FUT2: variants seen among roughly 807,000 people sequenced by gnomAD.
FUT2 encodes galactoside alpha-(1,2)-fucosyltransferase 2.
For missense variants in FUT2, 419 were observed against 465.8 expected, an observed-to-expected ratio of 0.90 and a Z score of 0.93; for synonymous variants, 182 against 193.1, an observed-to-expected ratio of 0.94 and a Z score of 0.48.
At position 48,703,159 on chromosome 19, in the gene FUT2, C is replaced by T. The variant is rs759340211; in HGVS notation, c.203C>T (p.Ala68Val). 26 of 1,613,372 alleles carry T rather than the reference C, an allele frequency of 1.6e-5. No individual in the cohort carries two copies. Among genetic ancestry groups the T allele is most frequent in the Non-Finnish European group, 2.1e-5 (25 of 1,180,046 alleles). ...CTCAGGGGGATGTGGACGATCAATG[C>T]AATAGGCCGCCTGGGGAACCAGATG... Reference protein sequence around the residue: ...SQLRGMWTINAIGRLGNQMGE... With the variant: ...SQLRGMWTINVIGRLGNQMGE... Residue 68 changes from alanine (A) to valine (V), a missense_variant, in exon 2 of 2, where the codon GCA (alanine) becomes GTA (valine). By Grantham distance (64) the Ala-to-Val change is moderately conservative (BLOSUM62 0). Transcript: ENST00000425340.
chr19:48,699,906 C>T (rs1044457624), intron 1 of FUT2, among the ~76,000 whole-genome samples: 2 of 151,870 alleles, frequency 1.3e-5, no homozygotes, highest in African/African-American at 4.8e-5. Flanking sequence ...GTAATCCCAG[C>T]ACTTTGGGAG....
Position 48,704,924 on chromosome 19 carries a change from A to T in FUT2, c.*936A>T. ...TTAGGGTGGTGTTACCAAGGTGAAA[A>T]GGGGAAATGGCTTTAGAGTAGACAA... On this transcript the variant is annotated 3_prime_UTR_variant, in exon 2 of 2. Coordinates refer to ENST00000425340, the MANE Select transcript of FUT2 (RefSeq NM_000511.6). The T allele has an allele frequency of 2.4e-6, 1 of 412,078 alleles. No homozygotes were observed. The highest frequency in any genetic ancestry group is 4.4e-5 in the Admixed American group (1 of 22,606). The allele number at this position is 412,078 out of a possible 1,614,324, so 25.5% of individuals were successfully genotyped here.
At chr19:48,700,567 A>G (rs1017336977) in intron 1 of FUT2, among the ~76,000 whole-genome samples, 11 of 151,834 alleles carry the variant, frequency 7.2e-5, no homozygotes, top group East Asian at 5.9e-4. Context: ...TCCTGACCTC[A>G]TGATCCGCCC....
At chr19:48,699,000 CCCTTCCTTCCTT>C (rs79130887) in intron 1 of FUT2, among the ~76,000 whole-genome samples, 2 of 146,434 alleles carry the variant, frequency 1.4e-5, no homozygotes, top group African/African-American at 2.5e-5. Flanking sequence ...CTCCCTCCCT[CCCTTCCTTCCTT>C]CCTTCCTTCC....
At chr19:48,702,463 A>T (rs2032532677) in intron 1 of FUT2, among the ~76,000 whole-genome samples, 1 of 151,970 alleles carries the variant, frequency 6.6e-6, no homozygotes, top group South Asian at 2.1e-4. Flanking sequence ...AGATACACAA[A>T]GTGTATATAT....
chr19:48,700,553 G>T (rs759005055), intron 1 of FUT2, among the ~76,000 whole-genome samples: 1 of 151,794 alleles, frequency 6.6e-6, no homozygotes, highest in Non-Finnish European at 1.5e-5. Context: ...GGATGGTCTC[G>T]ATCTCCTGAC....
At chr19:48,696,320 G>C (rs1009812428) in intron 1 of FUT2, 1 of 152,240 alleles carries the variant, frequency 6.6e-6, no homozygotes, top group Non-Finnish European at 1.5e-5. Context: ...CTTCCAGGTG[G>C]ATCTGTTTCT....
rs140411756 is a variant in FUT2, at chr19:48,704,421, C to CA, written c.*453dup. On this transcript the variant is annotated 3_prime_UTR_variant, in exon 2 of 2. Transcript: ENST00000425340. ...TGGGTGACACAGCAAGACTCCATCT[C>CA]AAAAAAAAAAAAAAAAAAAAGAAAA... The CA allele has an allele frequency of 0.078, 8,458 of 108,402 alleles. 395 individuals are homozygous for CA. The highest frequency in any genetic ancestry group is 0.19 in the East Asian group (488 of 2,526). The allele number at this position is 108,402 out of a possible 1,614,324, so 6.7% of individuals were successfully genotyped here.
intron 1 of FUT2, among the ~76,000 whole-genome samples, chr19:48,700,997 CAG>C (rs1555754157): frequency 2.0e-5 from 3 of 151,968 alleles, no homozygotes; most frequent in Non-Finnish European, 4.4e-5. Flanking sequence ...GAGTAGACAA[CAG>C]GGATGCCCTG....
At chr19:48,696,424 T>G (rs1351671192) in intron 1 of FUT2, 1 of 152,442 alleles carries the variant, frequency 6.6e-6, no homozygotes, top group African/African-American at 2.4e-5. Context: ...TGAACCACCC[T>G]GGCAGTAATG....
chr19:48,700,074 A>G (rs1387779881), intron 1 of FUT2, among the ~76,000 whole-genome samples: 1 of 145,764 alleles, frequency 6.9e-6, no homozygotes, highest in East Asian at 2.1e-4. Flanking sequence ...AATTGCTTGA[A>G]CCCAGGAGGC....
chr19:48,698,457 G>T (rs1399102973), intron 1 of FUT2, among the ~76,000 whole-genome samples: 1 of 151,756 alleles, frequency 6.6e-6, no homozygotes, highest in Non-Finnish European at 1.5e-5. Context: ...TTAAGATAGA[G>T]CCTGACTCTG....
rs2032614979 is a variant in FUT2, at chr19:48,705,106, CTTTTCTTTTT to C, written c.*1123_*1132del. Reference sequence around the variant, plus strand: ...GAGCTCACTGTTTTCTTTTCTTTTTCTTTTCTTTTTTTTTTTTTTTTTGAGATGGAGTCTT... The same window carrying C: ...GAGCTCACTGTTTTCTTTTCTTTTTCTTTTTTTTTTTTGAGATGGAGTCTT... On this transcript the variant is annotated 3_prime_UTR_variant, in exon 2 of 2. Coordinates refer to ENST00000425340, the MANE Select transcript of FUT2 (RefSeq NM_000511.6). 41 of 188,950 alleles carry C rather than the reference CTTTTCTTTTT, an allele frequency of 2.2e-4. 8 individuals carry two copies. The highest frequency in any genetic ancestry group is 2.1e-4 in the Non-Finnish European group (20 of 93,786). 11.7% of individuals were successfully genotyped at this position (188,950 alleles called of 1,614,324 possible).
intron 1 of FUT2, among the ~76,000 whole-genome samples, chr19:48,700,574 G>C (rs1209904705): frequency 6.6e-6 from 1 of 151,840 alleles, no homozygotes; most frequent in African/African-American, 2.4e-5. Context: ...CTCATGATCC[G>C]CCCGCCTTGG....
chr19:48,703,324 C>T lies in FUT2; in HGVS notation c.368C>T (p.Pro123Leu), dbSNP rs1568462013. ...CACAGCGCCACGGCCAGCAGGATCC[C>T]CTGGCAGAACTACCACCTGAACGAC... ...VLHSATASRI[P>L]WQNYHLNDWM... The change falls in exon 2 of 2, where the codon CCC becomes CTC. Residue 123 changes from proline (P) to leucine (L), a missense_variant. Physicochemically the swap from Pro to Leu is moderately conservative, Grantham distance 98. Coordinates refer to ENST00000425340, the MANE Select transcript of FUT2 (RefSeq NM_000511.6). 1.2e-6 allele frequency: 2 copies of T among 1,612,974 alleles called. No individual in the cohort carries two copies. The highest frequency in any genetic ancestry group is 2.7e-5 in the African/African-American group (2 of 75,046).
chr19:48,704,860 T>G lies in FUT2; in HGVS notation c.*872T>G, dbSNP rs2032607508. ...GCCTCAGATTCTGCAGCTGAGAAGTTGATCAGCCACCTCTGAAGGACATGC... is the reference window on the plus strand; with the variant it reads ...GCCTCAGATTCTGCAGCTGAGAAGTGGATCAGCCACCTCTGAAGGACATGC... On this transcript the variant is annotated 3_prime_UTR_variant, in exon 2 of 2. Coordinates refer to ENST00000425340, the MANE Select transcript of FUT2 (RefSeq NM_000511.6). 4.8e-6 allele frequency: 2 copies of G among 413,154 alleles called. No individual in the cohort carries two copies. The highest frequency in any genetic ancestry group is 8.8e-6 in the Non-Finnish European group (2 of 226,146). The allele number at this position is 413,154 out of a possible 1,614,324, so 25.6% of individuals were successfully genotyped here.
chr19:48,703,476 G>A lies in FUT2; in HGVS notation c.520G>A (p.Val174Met), dbSNP rs752579948. The A allele has an allele frequency of 1.2e-5, 19 of 1,612,840 alleles. No individual in the cohort carries two copies. Among genetic ancestry groups the A allele is most frequent in the South Asian group, 7.7e-5 (7 of 90,648 alleles). ...CCAGGAGTTCACCCTGCACGACCACGTGCGGGAGGAGGCCCAGAAGTTCCT... is the reference window on the plus strand; with the variant it reads ...CCAGGAGTTCACCCTGCACGACCACATGCGGGAGGAGGCCCAGAAGTTCCT... ...ILQEFTLHDH[V>M]REEAQKFLRG... The change falls in exon 2 of 2, where the codon GTG (valine) becomes ATG (methionine). Residue 174 changes from valine to methionine, a missense_variant. By Grantham distance (21) the Val-to-Met change is conservative. Coordinates refer to ENST00000425340, the MANE Select transcript of FUT2 (RefSeq NM_000511.6).
rs1288005965 is a variant in FUT2 at position 48,705,425 on chromosome 19, T to C, written c.*1437T>C. The C allele has an allele frequency of 6.0e-6, 1 of 166,960 alleles. No homozygotes were observed. Among genetic ancestry groups the C allele is most frequent in the Non-Finnish European group, 1.5e-5 (1 of 68,136 alleles). The allele number at this position is 166,960 out of a possible 1,614,324, so 10.3% of individuals were successfully genotyped here. On this transcript the variant is annotated 3_prime_UTR_variant, in exon 2 of 2. Coordinates refer to ENST00000425340, the MANE Select transcript of FUT2 (RefSeq NM_000511.6). ...CGCCCGGCCCTAGAGCTCACTGTTT[T>C]CTAGTTAGTCCATCTGGAAGTGGAG...
intron 1 of FUT2, among the ~76,000 whole-genome samples, chr19:48,699,779 CTT>C (rs2032477186): frequency 6.6e-6 from 1 of 152,010 alleles, no homozygotes. Context: ...GGTGATGTGT[CTT>C]TGAGTCATCG....
Sources: allele counts gnomAD v4.1 joint callset (sites outside exome capture counted in the v4.1 genomes callset), GRCh38; gene constraint gnomAD v4.1.1; transcripts MANE v1.5; gene names NCBI Gene and HGNC (gene_info 2026-07-23, HGNC 2026-07-21).